MDGA2: variants seen among roughly 807,000 people sequenced by gnomAD.
MDGA2 encodes MAM domain containing glycosylphosphatidylinositol anchor 2, also known as MAM domain-containing glycosylphosphatidylinositol anchor protein 2.
Under a neutral mutation model 117.8 loss-of-function variants are expected in MDGA2, and 40 were observed. The ratio of observed to expected loss-of-function variants is 0.34; its 90% CI spans 0.26 to 0.44. MDGA2 has a LOEUF of 0.44. Among genes scored for constraint, MDGA2 ranks in the 20% least tolerant of loss-of-function variants. The pLI is 1.00. For synonymous variants in MDGA2, 452 were observed against 439.0 expected, an observed-to-expected ratio of 1.03 and a Z score of -0.37; for missense variants, 1,123 against 1,250.6, an observed-to-expected ratio of 0.90 and a Z score of 1.54.
chr14:47,382,409 G>C (rs1428936581), intron 1 of MDGA2, among the ~76,000 whole-genome samples: 1 of 152,156 alleles, frequency 6.6e-6, no homozygotes, highest in Non-Finnish European at 1.5e-5. Flanking sequence ...CCATCAGACT[G>C]AACAGGCAAC....
At chr14:47,172,691 G>C (rs566457872) in intron 3 of MDGA2, among the ~76,000 whole-genome samples, 8 of 151,350 alleles carry the variant, frequency 5.3e-5, no homozygotes, top group African/African-American at 1.7e-4. Flanking sequence ...AAACCACAAA[G>C]ATGGGGAAAA....
At chr14:47,259,896 G>A (rs995037353) in intron 2 of MDGA2, among the ~76,000 whole-genome samples, 22 of 152,024 alleles carry the variant, frequency 1.4e-4, no homozygotes, top group African/African-American at 5.1e-4. Flanking sequence ...TTGCCACCAA[G>A]CTATTATATA....
intron 2 of MDGA2, among the ~76,000 whole-genome samples, chr14:47,290,365 T>G (rs576668229): frequency 1.3e-5 from 2 of 152,202 alleles, no homozygotes; most frequent in Admixed American, 1.3e-4. Context: ...CAAGCCCTCA[T>G]CATACATGGA....
intron 8 of MDGA2, among the ~76,000 whole-genome samples, chr14:46,990,253 G>T (rs1887035222): frequency 6.6e-6 from 1 of 151,960 alleles, no homozygotes. Context: ...AAGTTTCTAT[G>T]GAATATTAGT....
chr14:47,316,703 G>T (rs747176225), intron 1 of MDGA2, among the ~76,000 whole-genome samples: 1 of 152,108 alleles, frequency 6.6e-6, no homozygotes, highest in East Asian at 1.9e-4. Context: ...TTAATATTTA[G>T]AATGCAAAGT....
intron 1 of MDGA2, among the ~76,000 whole-genome samples, chr14:47,367,839 C>G (rs549928315): frequency 6.6e-6 from 1 of 152,152 alleles, no homozygotes; most frequent in Non-Finnish European, 1.5e-5. Flanking sequence ...ATAAGATTAT[C>G]TATTACTAAA....
At chr14:47,191,857 G>C (rs919899430) in intron 3 of MDGA2, among the ~76,000 whole-genome samples, 5 of 150,926 alleles carry the variant, frequency 3.3e-5, no homozygotes, top group African/African-American at 7.4e-5. Context: ...ACCCACCCAT[G>C]ATGAGCACAT....
chr14:47,298,686 T>TTC (rs1555371236), intron 2 of MDGA2, among the ~76,000 whole-genome samples: 4 of 120,080 alleles, frequency 3.3e-5, no homozygotes, highest in Non-Finnish European at 5.7e-5. Context: ...AATTTTTCTT[T>TTC]TTTTTTTTTT....
In MDGA2 at chr14:47,498,990, C is replaced by T. The variant is rs140605945; in HGVS notation, c.280+175527G>A. Among the ~76,000 whole-genome samples the T allele has an allele frequency of 5.3e-5, 8 of 151,474 alleles. No individual in the cohort carries two copies. The East Asian group carries it at 1.2e-3, about 22-fold the overall frequency. On this transcript the variant is annotated intron_variant, in intron 1 of 16. Coordinates refer to ENST00000399232, the MANE Select transcript of MDGA2 (RefSeq NM_001113498.3). ...GAAGTAGTCACTCAATATTTTAATA[C>T]TTAGCTATTCTGGCATTTTTTTTAT...
Position 47,108,500 on chromosome 14 carries a change from CT to C in MDGA2, c.926-11378del, listed in dbSNP as rs1354286436. On this transcript the variant is annotated intron_variant, in intron 5 of 16. Coordinates refer to ENST00000399232, the MANE Select transcript of MDGA2 (RefSeq NM_001113498.3). ...TCCTTGCCTTAACTGATGACATTACCTTGTGAAAGTCCTTTTCCTGGCTCAT... is the reference window on the plus strand; with the variant it reads ...TCCTTGCCTTAACTGATGACATTACCTGTGAAAGTCCTTTTCCTGGCTCAT... Among the ~76,000 whole-genome samples the C allele has an allele frequency of 9.2e-5, 14 of 152,212 alleles. No individual in the cohort carries two copies. In the East Asian group the frequency reaches 1.9e-3, roughly 21 times the overall value.
At chr14:46,967,694 A>G (rs911540391) in intron 8 of MDGA2, among the ~76,000 whole-genome samples, 1 of 152,196 alleles carries the variant, frequency 6.6e-6, no homozygotes, top group Non-Finnish European at 1.5e-5. Context: ...CATGCAAGAT[A>G]CATTCCAAGA....
intron 1 of MDGA2, among the ~76,000 whole-genome samples, chr14:47,556,855 G>A (rs781142087): frequency 7.9e-5 from 12 of 152,100 alleles, no homozygotes; most frequent in Non-Finnish European, 1.6e-4. Flanking sequence ...ATCTTTATGT[G>A]GTGTTTGATT....
chr14:47,467,842 T>C (rs536474565), intron 1 of MDGA2, among the ~76,000 whole-genome samples: 17 of 152,268 alleles, frequency 1.1e-4, no homozygotes, highest in African/African-American at 4.1e-4. Flanking sequence ...ACTGGTCTTA[T>C]ACAAAATGAC....
chr14:47,517,063 C>A (rs1566494627), intron 1 of MDGA2, among the ~76,000 whole-genome samples: 1 of 152,118 alleles, frequency 6.6e-6, no homozygotes, highest in South Asian at 2.1e-4. Context: ...GTATTATTAA[C>A]AAATAGTTTA....
intron 1 of MDGA2, among the ~76,000 whole-genome samples, chr14:47,373,525 T>C (rs552129349): frequency 1.3e-5 from 2 of 152,194 alleles, no homozygotes; most frequent in South Asian, 2.1e-4. Flanking sequence ...ACCTTGAAAG[T>C]ATTAAGCTAA....
intron 3 of MDGA2, among the ~76,000 whole-genome samples, chr14:47,174,250 G>T (rs1330057215): frequency 1.3e-5 from 2 of 152,090 alleles, no homozygotes; most frequent in African/African-American, 4.8e-5. Context: ...GAGACAGAAA[G>T]TTAACAAGGA....
rs143339024 is a variant in MDGA2 at position 46,997,386 on chromosome 14, T to A, written c.1819+37625A>T. On this transcript the variant is annotated intron_variant, in intron 8 of 16. Coordinates refer to ENST00000399232, the MANE Select transcript of MDGA2 (RefSeq NM_001113498.3). ...TAAGCTCAAAGGAGATTGATAGAGA[T>A]GTATATACTAGGGCAGAATTTCCCG... Among the ~76,000 whole-genome samples, 150 of 152,290 alleles carry A rather than the reference T, an allele frequency of 9.8e-4. 1 individual carries two copies. The East Asian group carries it at 0.029, about 29-fold the overall frequency.
At chr14:47,194,420 C>A (rs1433763093) in intron 3 of MDGA2, among the ~76,000 whole-genome samples, 2 of 152,038 alleles carry the variant, frequency 1.3e-5, no homozygotes, top group Non-Finnish European at 2.9e-5. Context: ...AGTAAATTCA[C>A]CCATTTTGAT....
chr14:47,344,188 A>G (rs191509910), intron 1 of MDGA2, among the ~76,000 whole-genome samples: 7 of 152,276 alleles, frequency 4.6e-5, no homozygotes, highest in Admixed American at 2.0e-4. Context: ...TTTCCTAAAG[A>G]GGAAAGAATC....
Sources: gnomAD v4.1 joint callset for allele counts (sites outside exome capture counted in the v4.1 genomes callset) on GRCh38, gnomAD v4.1.1 for gene constraint, MANE v1.5 for transcripts, NCBI Gene and HGNC (gene_info 2026-07-23, HGNC 2026-07-21) for gene names.